Variants in UBE2E3 observed in about 807,000 individuals in gnomAD.
UBE2E3 encodes the protein ubiquitin-conjugating enzyme E2 E3.
UBE2E3 carries 5 observed loss-of-function variants against 23.6 expected under a neutral mutation model. The ratio of observed to expected loss-of-function variants is 0.21; its 90% CI spans 0.11 to 0.44. The LOEUF is 0.44. Among genes scored for constraint, UBE2E3 ranks in the 20% least tolerant of loss-of-function variants. The pLI is 0.99. For missense variants in UBE2E3, 81 were observed against 249.8 expected (o/e 0.32, Z 4.55); for synonymous variants, 78 against 87.5 (o/e 0.89, Z 0.60).
Position 180,982,007 on chromosome 2 carries a change from C to T in UBE2E3, c.-25-11C>T. ...CATTTTCTCCTCCTCCTCCCCTGTT[C>T]TCTTTAAAAGTTTTCCAAGAGATAA... On this transcript the variant is annotated splice_polypyrimidine_tract_variant and intron_variant, in intron 1 of 5. Coordinates refer to ENST00000410062, the MANE Select transcript of UBE2E3 (RefSeq NM_006357.4). 1.3e-6 allele frequency: 2 copies of T among 1,573,544 alleles called. No homozygotes were observed. The highest frequency in any genetic ancestry group is 1.7e-6 in the Non-Finnish European group (2 of 1,159,144).
chr2:181,049,909 C>T (rs1276888707), intron 3 of UBE2E3, among the ~76,000 whole-genome samples: 2 of 151,790 alleles, frequency 1.3e-5, no homozygotes, highest in Non-Finnish European at 2.9e-5. Flanking sequence ...TTCTGTAGGC[C>T]ATGTGATAAG....
intron 3 of UBE2E3, among the ~76,000 whole-genome samples, chr2:181,053,983 T>C (rs575075741): frequency 6.6e-6 from 1 of 151,972 alleles, no homozygotes; most frequent in South Asian, 2.1e-4. Context: ...CACTTACTAA[T>C]ATGCATTTAA....
chr2:181,043,894 A>G (rs886727995), intron 3 of UBE2E3, among the ~76,000 whole-genome samples: 14 of 152,166 alleles, frequency 9.2e-5, no homozygotes, highest in African/African-American at 3.4e-4. Context: ...ATTGATTGAA[A>G]ACCGTAAGTG....
intron 3 of UBE2E3, among the ~76,000 whole-genome samples, chr2:181,048,609 A>C (rs1187482649): frequency 6.6e-6 from 1 of 151,984 alleles, no homozygotes; most frequent in African/African-American, 2.4e-5. Flanking sequence ...CTGCCCTTTT[A>C]GTTAGTAGAA....
intron 3 of UBE2E3, among the ~76,000 whole-genome samples, chr2:181,035,828 A>C (rs1686258492): frequency 6.6e-6 from 1 of 152,200 alleles, no homozygotes; most frequent in South Asian, 2.1e-4. Flanking sequence ...ACAGGAACAG[A>C]GGAAGGTCAC....
intron 3 of UBE2E3, among the ~76,000 whole-genome samples, chr2:181,055,074 G>A (rs1686951650): frequency 6.6e-6 from 1 of 151,624 alleles, no homozygotes; most frequent in African/African-American, 2.4e-5. Context: ...TGGTGACTTT[G>A]GATAAGAGCT....
chr2:180,992,090 A>G (rs1310901898), intron 3 of UBE2E3, among the ~76,000 whole-genome samples: 1 of 152,100 alleles, frequency 6.6e-6, no homozygotes, highest in Non-Finnish European at 1.5e-5. Context: ...CTGTTTCCTA[A>G]TAGCTGATTT....
intron 3 of UBE2E3, among the ~76,000 whole-genome samples, chr2:181,019,797 C>G (rs1002215098): frequency 2.0e-5 from 3 of 152,004 alleles, no homozygotes; most frequent in African/African-American, 7.2e-5. Context: ...GTTAACGTAG[C>G]CTTCACCTTA....
At chr2:181,049,639 C>T (rs1195981038) in intron 3 of UBE2E3, among the ~76,000 whole-genome samples, 1 of 151,960 alleles carries the variant, frequency 6.6e-6, no homozygotes, top group East Asian at 1.9e-4. Context: ...TGAAGAAAGA[C>T]TATATGGTAA....
chr2:181,003,394 G>C lies in UBE2E3; in HGVS notation c.245+19301G>C, dbSNP rs959533354. 3.9e-5 allele frequency among the ~76,000 whole-genome samples: 6 copies of C among 152,182 alleles called. No homozygotes were observed. In the South Asian group the frequency reaches 6.2e-4, roughly 16 times the overall value. The stretch of plus-strand genomic sequence containing the variant: ...ATGAGCAAATATGGTATTCTCACTT[G>C]AGACATTTCTAGAAGTACTTTGTAA... On this transcript the variant is annotated intron_variant, in intron 3 of 5. Coordinates refer to ENST00000410062, the MANE Select transcript of UBE2E3 (RefSeq NM_006357.4).
chr2:181,030,913 T>A (rs894436553), intron 3 of UBE2E3, among the ~76,000 whole-genome samples: 15 of 152,260 alleles, frequency 9.9e-5, no homozygotes, highest in South Asian at 6.2e-4. Context: ...TTAAAAAAAA[T>A]TTTAGTTTTT....
chr2:181,004,430 C>G (rs892905200), intron 3 of UBE2E3, among the ~76,000 whole-genome samples: 8 of 152,008 alleles, frequency 5.3e-5, no homozygotes, highest in Non-Finnish European at 1.0e-4. Flanking sequence ...GTCAAGAGAT[C>G]GGGACCATCC....
intron 3 of UBE2E3, among the ~76,000 whole-genome samples, chr2:181,029,756 G>A (rs1361004334): frequency 6.9e-6 from 1 of 145,078 alleles, no homozygotes; most frequent in African/African-American, 2.5e-5. Context: ...TGTTTTAAAT[G>A]GAGCGGTATA....
intron 3 of UBE2E3, among the ~76,000 whole-genome samples, chr2:181,024,475 G>A (rs1208641797): frequency 6.6e-6 from 1 of 152,054 alleles, no homozygotes; most frequent in African/African-American, 2.4e-5. Context: ...AGCAGATTAG[G>A]TAGCGCTGCA....
At chr2:181,028,309 G>T (rs895923507) in intron 3 of UBE2E3, among the ~76,000 whole-genome samples, 17 of 152,022 alleles carry the variant, frequency 1.1e-4, no homozygotes, top group Non-Finnish European at 2.4e-4. Flanking sequence ...TTGTAGTAGG[G>T]TATATTGGGT....
At chr2:181,044,782 ATT>A (rs553462389) in intron 3 of UBE2E3, among the ~76,000 whole-genome samples, 1 of 152,172 alleles carries the variant, frequency 6.6e-6, no homozygotes, top group Non-Finnish European at 1.5e-5. Context: ...AAAAGTCTTA[ATT>A]GCTCACTAGT....
chr2:181,041,213 C>T (rs530286426), intron 3 of UBE2E3, among the ~76,000 whole-genome samples: 9 of 112,460 alleles, frequency 8.0e-5, no homozygotes, highest in South Asian at 5.8e-4. Flanking sequence ...ATGCCACTAA[C>T]GACAGAGCAA....
intron 3 of UBE2E3, among the ~76,000 whole-genome samples, chr2:181,034,343 A>C (rs1156633538): frequency 2.6e-5 from 4 of 152,380 alleles, no homozygotes; most frequent in South Asian, 4.1e-4. Flanking sequence ...AATACTGTGC[A>C]GCCATAAGAA....
At chr2:180,990,033 A>G (rs1684608861) in intron 3 of UBE2E3, 1 of 1,467,858 alleles carries the variant, frequency 6.8e-7, no homozygotes, top group South Asian at 1.3e-5. Context: ...TTTTTTTTCC[A>G]CATACCAATT....
Sources: gnomAD v4.1 joint callset for allele counts (sites outside exome capture counted in the v4.1 genomes callset) on GRCh38, gnomAD v4.1.1 for gene constraint, MANE v1.5 for transcripts, NCBI Gene and HGNC (gene_info 2026-07-23, HGNC 2026-07-21) for gene names.